CACNA1C: variants seen among roughly 807,000 people sequenced by gnomAD.
The protein encoded by CACNA1C is voltage-dependent L-type calcium channel subunit alpha-1C.
CACNA1C carries 30 observed loss-of-function variants against 229.0 expected under a neutral mutation model. That is an observed-to-expected ratio of 0.13 (90% CI 0.10 to 0.18). The LOEUF (loss-of-function observed/expected upper bound fraction) is 0.18. Among genes scored for constraint, CACNA1C ranks in the 10% least tolerant of loss-of-function variants. The pLI is 1.00. For synonymous variants in CACNA1C, 1,114 were observed against 1,132.5 expected, an observed-to-expected ratio of 0.98 and a Z score of 0.33; for missense variants, 1,658 against 2,845.0, an observed-to-expected ratio of 0.58 and a Z score of 9.49.
chr12:1,992,044 TG>T, intron 1 of CACNA1C: 1 of 353,658 alleles, frequency 2.8e-6, no homozygotes. Context: ...CAATTCAAAC[TG>T]GCATTTCTGT....
At chr12:2,545,862 C>CT (rs2099880006) in intron 9 of CACNA1C, among the ~76,000 whole-genome samples, 1 of 152,270 alleles carries the variant, frequency 6.6e-6, no homozygotes, top group Non-Finnish European at 1.5e-5. Flanking sequence ...TGGGAAAACT[C>CT]TATCTGAACA....
chr12:2,522,000 C>A (rs536409889), intron 9 of CACNA1C, among the ~76,000 whole-genome samples: 1 of 152,366 alleles, frequency 6.6e-6, no homozygotes, highest in Non-Finnish European at 1.5e-5. Flanking sequence ...GCCGCAAAGC[C>A]AGACTGCATC....
intron 38 of CACNA1C, 159 bp from the exon 39 acceptor site, chr12:2,674,382 A>AAAT (rs2096701621): frequency 2.8e-6 from 3 of 1,076,054 alleles, no homozygotes; most frequent in African/African-American, 1.6e-5. Context: ...AGGAGGTGGA[A>AAAT]AATGGGAAGA....
intron 10 of CACNA1C, among the ~76,000 whole-genome samples, chr12:2,552,980 T>C (rs1379893034): frequency 6.9e-6 from 1 of 144,322 alleles, no homozygotes; most frequent in Non-Finnish European, 1.5e-5. Flanking sequence ...AGCAAGTGCT[T>C]ATAGGAAGGC....
intron 3 of CACNA1C, among the ~76,000 whole-genome samples, chr12:2,251,561 C>T (rs919380589): frequency 1.3e-4 from 20 of 152,304 alleles, no homozygotes; most frequent in East Asian, 9.7e-4. Flanking sequence ...CTCCTGGATT[C>T]AGTGGAGTCC....
chr12:2,607,163 G>T, intron 26 of CACNA1C, 33 bp downstream of exon 26: 1 of 1,589,848 alleles, frequency 6.3e-7, no homozygotes, highest in Non-Finnish European at 8.6e-7. Flanking sequence ...CACGAGCCCT[G>T]ACATTCAAGG....
chr12:2,154,395 A>C (rs577095796), intron 3 of CACNA1C, among the ~76,000 whole-genome samples: 2 of 152,198 alleles, frequency 1.3e-5, no homozygotes, highest in African/African-American at 4.8e-5. Context: ...TCCTTCCCGC[A>C]CACACGGAAT....
At chr12:2,565,829 A>G (rs1177325858) in intron 11 of CACNA1C, among the ~76,000 whole-genome samples, 1 of 152,218 alleles carries the variant, frequency 6.6e-6, no homozygotes, top group East Asian at 1.9e-4. Flanking sequence ...CTTCTACCAT[A>G]TGGATGTGGC....
chr12:2,388,137 G>C (rs1045133613), intron 3 of CACNA1C, among the ~76,000 whole-genome samples: 1 of 152,188 alleles, frequency 6.6e-6, no homozygotes, highest in African/African-American at 2.4e-5. Context: ...GGGGCTGGGG[G>C]GCTGGGGAAA....
At chr12:2,543,683 A>G (rs146854996) in intron 9 of CACNA1C, among the ~76,000 whole-genome samples, 2 of 152,336 alleles carry the variant, frequency 1.3e-5, no homozygotes, top group African/African-American at 4.8e-5. Flanking sequence ...CCCAAAAGAA[A>G]GATCTGAGAC....
At position 2,597,196 on chromosome 12, in the gene CACNA1C, T is replaced by A; in HGVS notation, c.2794-34T>A. The A allele has an allele frequency of 5.8e-5, 78 of 1,335,770 alleles. No homozygotes were observed. Among genetic ancestry groups the A allele is most frequent in the Non-Finnish European group, 7.5e-5 (70 of 928,528 alleles). The allele number at this position is 1,335,770 out of a possible 1,614,324, so 82.7% of individuals were successfully genotyped here. On this transcript the variant is annotated intron_variant, in intron 20 of 46. Transcript: ENST00000399655. This position sits in a 1 kb window ranked among gnomAD's most constrained non-coding sequence, Gnocchi z 4.3. Reference sequence around the variant, plus strand: ...CCGTCCTGCTTTTCTCCCTTCCCCATCCCATCCCCACCCTGTTCCTTTTTG... The same window carrying A: ...CCGTCCTGCTTTTCTCCCTTCCCCAACCCATCCCCACCCTGTTCCTTTTTG...
At chr12:2,626,174 G>A (rs1347463607) in intron 29 of CACNA1C, among the ~76,000 whole-genome samples, 3 of 152,216 alleles carry the variant, frequency 2.0e-5, no homozygotes, top group Non-Finnish European at 4.4e-5. Flanking sequence ...CCTGGAGCTG[G>A]GCATGGCTCC....
chr12:2,091,517 C>G (rs1407663091), intron 1 of CACNA1C, among the ~76,000 whole-genome samples: 2 of 152,208 alleles, frequency 1.3e-5, no homozygotes, highest in Non-Finnish European at 2.9e-5. Context: ...TCATGGCCCT[C>G]TCCTCTACCT....
intron 5 of CACNA1C, among the ~76,000 whole-genome samples, chr12:2,474,677 A>T (rs1364930295): frequency 6.6e-6 from 1 of 150,750 alleles, no homozygotes; most frequent in African/African-American, 2.4e-5. Context: ...AATCACTTGA[A>T]CCTGGGAGGC....
At chr12:2,561,672 G>A (rs1486840233) in intron 11 of CACNA1C, among the ~76,000 whole-genome samples, 1 of 152,210 alleles carries the variant, frequency 6.6e-6, no homozygotes, top group Non-Finnish European at 1.5e-5. Context: ...GCAAGAGGAA[G>A]GCCCAGTGTA....
chr12:2,342,886 C>T (rs148911907), intron 3 of CACNA1C, among the ~76,000 whole-genome samples: 1,765 of 152,300 alleles, frequency 0.012, 15 homozygotes, highest in Non-Finnish European at 0.018. Context: ...ATTTTTTATT[C>T]CATCAGTGAA....
chr12:2,115,214 T>G lies in CACNA1C; in HGVS notation c.50-10T>G, dbSNP rs2083369755. Reference sequence around the variant, plus strand: ...TAGTAACTGTTGTGTTCTTTTCTCTTTTGCCACAGGTTCCAACTATGGGAG... The same window carrying G: ...TAGTAACTGTTGTGTTCTTTTCTCTGTTGCCACAGGTTCCAACTATGGGAG... On this transcript the variant is annotated splice_polypyrimidine_tract_variant and intron_variant, in intron 1 of 46. Transcript: ENST00000399655. The G allele has an allele frequency of 6.5e-7, 1 of 1,538,264 alleles. No homozygotes were observed. Among genetic ancestry groups the G allele is most frequent in the Non-Finnish European group, 8.8e-7 (1 of 1,140,608 alleles).
At chr12:2,414,725 C>G (rs953430039) in intron 3 of CACNA1C, among the ~76,000 whole-genome samples, 1 of 152,132 alleles carries the variant, frequency 6.6e-6, no homozygotes, top group African/African-American at 2.4e-5. Context: ...GCAAAGAAAC[C>G]TTTGGACTTT....
At chr12:2,432,116 C>G (rs1316707050) in intron 3 of CACNA1C, among the ~76,000 whole-genome samples, 1 of 151,998 alleles carries the variant, frequency 6.6e-6, no homozygotes, top group Non-Finnish European at 1.5e-5. Flanking sequence ...AAGGAGACAC[C>G]CACAAAAAAA....
Sources: gnomAD v4.1 joint callset for allele counts (sites outside exome capture counted in the v4.1 genomes callset) on GRCh38, gnomAD v4.1.1 for gene constraint, Gnocchi (gnomAD v3.1) non-coding constraint, MANE v1.5 for transcripts, NCBI Gene and HGNC (gene_info 2026-07-23, HGNC 2026-07-21) for gene names.